KIF5C: variants seen among roughly 807,000 people sequenced by gnomAD.
KIF5C encodes kinesin family member 5C, also known as kinesin heavy chain isoform 5C.
Under a neutral mutation model 125.2 loss-of-function variants are expected in KIF5C, and 18 were observed. The ratio of observed to expected loss-of-function variants is 0.14; its 90% CI spans 0.10 to 0.21. KIF5C has a LOEUF of 0.21. Among genes scored for constraint, KIF5C ranks in the 10% least tolerant of loss-of-function variants. KIF5C has a pLI of 1.00. For synonymous variants in KIF5C, 405 were observed against 434.0 expected, an observed-to-expected ratio of 0.93 and a Z score of 0.83; for missense variants, 780 against 1,183.8, an observed-to-expected ratio of 0.66 and a Z score of 5.01.
intron 11 of KIF5C, among the ~76,000 whole-genome samples, chr2:148,962,983 T>C (rs549418034): frequency 6.6e-6 from 1 of 152,292 alleles, no homozygotes; most frequent in African/African-American, 2.4e-5. Context: ...CTCGTTTTCC[T>C]TCTTCCCCAA....
At chr2:148,976,259 T>TTATTTATC (rs1194131484) in intron 12 of KIF5C, among the ~76,000 whole-genome samples, 5 of 150,186 alleles carry the variant, frequency 3.3e-5, no homozygotes, top group African/African-American at 9.8e-5. Context: ...ATTTATTTAT[T>TTATTTATC]TATTTATTTA....
chr2:148,954,996 A>G (rs934482978), intron 10 of KIF5C, among the ~76,000 whole-genome samples: 4 of 152,194 alleles, frequency 2.6e-5, no homozygotes, highest in African/African-American at 9.7e-5. Context: ...GGTGACATAC[A>G]TTTAACTAGA....
chr2:148,933,239 C>T (rs1682216866), intron 3 of KIF5C, among the ~76,000 whole-genome samples: 1 of 152,072 alleles, frequency 6.6e-6, no homozygotes, highest in African/African-American at 2.4e-5. Context: ...TCCCATATTA[C>T]CCATTTTATT....
At chr2:148,920,421 T>G (rs1397982409) in intron 1 of KIF5C, among the ~76,000 whole-genome samples, 1 of 152,228 alleles carries the variant, frequency 6.6e-6, no homozygotes, top group Non-Finnish European at 1.5e-5. Flanking sequence ...CAATAGACTG[T>G]GGTGAGGAAT....
chr2:148,986,521 A>G (rs1488538490), intron 15 of KIF5C, among the ~76,000 whole-genome samples: 1 of 152,220 alleles, frequency 6.6e-6, no homozygotes. Context: ...CGGCTCAGAA[A>G]TTACTTGACT....
chr2:148,877,010 A>G (rs1574679827), intron 1 of KIF5C, among the ~76,000 whole-genome samples: 1 of 152,170 alleles, frequency 6.6e-6, no homozygotes, highest in Non-Finnish European at 1.5e-5. Flanking sequence ...GTGACAGTTT[A>G]CCGAGGGTAT....
At chr2:149,001,870 G>A (rs976917982) in intron 21 of KIF5C, among the ~76,000 whole-genome samples, 3 of 152,264 alleles carry the variant, frequency 2.0e-5, no homozygotes, top group Non-Finnish European at 4.4e-5. Context: ...TCAAGGACCT[G>A]GTGACCCCAC....
At chr2:148,900,833 G>A (rs1024632821) in intron 1 of KIF5C, among the ~76,000 whole-genome samples, 1 of 152,198 alleles carries the variant, frequency 6.6e-6, no homozygotes, top group Non-Finnish European at 1.5e-5. Context: ...AAGTGTAGGA[G>A]TGGGGCCACA....
chr2:148,969,529 A>AT (rs141774115), intron 11 of KIF5C, among the ~76,000 whole-genome samples: 3,106 of 152,000 alleles, frequency 0.02, 95 homozygotes, highest in African/African-American at 0.065. Flanking sequence ...GACAGCAGGT[A>AT]TAAGCCTCCG....
chr2:149,016,824 A>G (rs1682374724), intron 25 of KIF5C, among the ~76,000 whole-genome samples: 1 of 152,118 alleles, frequency 6.6e-6, no homozygotes, highest in Non-Finnish European at 1.5e-5. Context: ...GGCAACCTAG[A>G]GAAAAGGTGG....
chr2:148,993,324 G>A (rs924951135), intron 16 of KIF5C, among the ~76,000 whole-genome samples: 4 of 152,196 alleles, frequency 2.6e-5, no homozygotes, highest in African/African-American at 9.7e-5. Flanking sequence ...GATGTGTTGA[G>A]TTTAAAGAGT....
chr2:148,968,291 G>A (rs1228607100), intron 11 of KIF5C, among the ~76,000 whole-genome samples: 1 of 152,180 alleles, frequency 6.6e-6, no homozygotes, highest in Admixed American at 6.5e-5. Context: ...CTCTAACGCA[G>A]ATTTGTTCAT....
At chr2:148,889,513 G>T (rs1361074785) in intron 1 of KIF5C, among the ~76,000 whole-genome samples, 1 of 152,158 alleles carries the variant, frequency 6.6e-6, no homozygotes, top group Admixed American at 6.5e-5. Context: ...GTTGGAGATG[G>T]TGATTTGCAC....
At chr2:148,958,984 A>C (rs1459756300) in intron 10 of KIF5C, among the ~76,000 whole-genome samples, 2 of 144,582 alleles carry the variant, frequency 1.4e-5, no homozygotes, top group Non-Finnish European at 3.0e-5. Context: ...ACTCTGTCTC[A>C]AAAAAAAAAA....
At chr2:148,943,765 A>G (rs1326797589) in intron 7 of KIF5C, among the ~76,000 whole-genome samples, 1 of 152,198 alleles carries the variant, frequency 6.6e-6, no homozygotes, top group Non-Finnish European at 1.5e-5. Flanking sequence ...TGACTGGTCT[A>G]GGCTCTTTAA....
Position 148,994,024 on chromosome 2 carries a change from A to G in KIF5C, c.1906-397A>G, listed in dbSNP as rs143680086. 3.1e-3 allele frequency among the ~76,000 whole-genome samples: 465 copies of G among 152,268 alleles called. 2 individuals carry two copies. The highest frequency in any genetic ancestry group is 5.2e-3 in the Non-Finnish European group (351 of 68,018). ...GAAGGACAGAAAAAGGGAAGACCTA[A>G]TAATTGAATGGTGAAGATGGAATCC... On this transcript the variant is annotated intron_variant, in intron 16 of 25. Transcript: ENST00000435030.
At chr2:148,933,253 G>A (rs1466235447) in intron 3 of KIF5C, among the ~76,000 whole-genome samples, 7 of 151,918 alleles carry the variant, frequency 4.6e-5, no homozygotes, top group African/African-American at 1.7e-4. Context: ...TTTTATTACT[G>A]GAAATCTGGG....
intron 1 of KIF5C, among the ~76,000 whole-genome samples, chr2:148,901,239 T>C (rs956285607): frequency 3.3e-5 from 5 of 152,146 alleles, no homozygotes; most frequent in Non-Finnish European, 7.4e-5. Flanking sequence ...GTCTTCAAGA[T>C]ATATTAAGTG....
At chr2:148,988,962 A>T (rs1681453603) in intron 15 of KIF5C, among the ~76,000 whole-genome samples, 1 of 152,080 alleles carries the variant, frequency 6.6e-6, no homozygotes, top group African/African-American at 2.4e-5. Flanking sequence ...AACTTTTTTA[A>T]TTTTTAATTT....
Sources: allele counts gnomAD v4.1 joint callset (sites outside exome capture counted in the v4.1 genomes callset), GRCh38; gene constraint gnomAD v4.1.1; transcripts MANE v1.5; gene names NCBI Gene and HGNC (gene_info 2026-07-23, HGNC 2026-07-21).